Variants in ASPRV1 observed in about 807,000 individuals in gnomAD.
The protein encoded by ASPRV1 is aspartic peptidase retroviral like 1.
In ASPRV1, 7 loss-of-function variants were observed where a neutral mutation model predicts 11.0. The ratio of observed to expected loss-of-function variants is 0.64; its 90% CI spans 0.36 to 1.20. The LOEUF (loss-of-function observed/expected upper bound fraction) is 1.20. Among genes scored for constraint, ASPRV1 ranks in the 50% most tolerant of loss-of-function variants. ASPRV1 has a pLI of 0.02. For synonymous variants in ASPRV1, 136 were observed against 138.4 expected (o/e 0.98, Z 0.12); for missense variants, 299 against 320.0 (o/e 0.93, Z 0.50).
chr2:69,992,652 T>C, the ASPRV1 span, among the ~76,000 whole-genome samples: 3 of 152,230 alleles, frequency 2.0e-5, no homozygotes, highest in Non-Finnish European at 4.4e-5. Context: ...GACCACCATT[T>C]TGATCAAGCC....
chr2:70,083,057 G>C, the ASPRV1 span, among the ~76,000 whole-genome samples: 4 of 152,118 alleles, frequency 2.6e-5, no homozygotes, highest in African/African-American at 4.8e-5. Context: ...GTAAACATCA[G>C]GGAAAAGAGG....
chr2:70,084,743 A>G, the ASPRV1 span, among the ~76,000 whole-genome samples: 5 of 152,330 alleles, frequency 3.3e-5, no homozygotes, highest in East Asian at 9.6e-4. Context: ...ATCATAATGT[A>G]AAATTTGTTT....
chr2:69,946,804 A>G, the ASPRV1 span, among the ~76,000 whole-genome samples: 1 of 151,818 alleles, frequency 6.6e-6, no homozygotes. Context: ...GGGCATTGAC[A>G]GTGGAGGGGT....
chr2:70,069,210 A>T, the ASPRV1 span: 1 of 152,140 alleles, frequency 6.6e-6, no homozygotes, highest in Non-Finnish European at 1.5e-5. Context: ...CTGGGGGAAA[A>T]AAACAACCCA....
chr2:69,968,234 T>C, the ASPRV1 span, among the ~76,000 whole-genome samples: 1 of 151,578 alleles, frequency 6.6e-6, no homozygotes, highest in East Asian at 2.0e-4. Flanking sequence ...AAAAGGTGCT[T>C]TAAAAACTGG....
the ASPRV1 span, chr2:69,988,690 A>C: frequency 1.3e-5 from 6 of 444,814 alleles, no homozygotes; most frequent in Non-Finnish European, 2.7e-5. Context: ...TTTATGTTAT[A>C]TATATTTTAC....
At chr2:69,961,757 G>A (rs1174587974), upstream of ASPRV1, 8 of 1,481,376 alleles carry the variant, frequency 5.4e-6, no homozygotes, top group African/African-American at 1.4e-5. Context: ...CGGACTAGCA[G>A]GATGGGTGCC....
At chr2:70,054,432 T>A in the ASPRV1 span, among the ~76,000 whole-genome samples, 1 of 150,942 alleles carries the variant, frequency 6.6e-6, no homozygotes, top group East Asian at 2.0e-4. Context: ...ACAAAAAAAT[T>A]AGCCCGGCGC....
At chr2:70,029,024 A>G in the ASPRV1 span, among the ~76,000 whole-genome samples, 9 of 152,164 alleles carry the variant, frequency 5.9e-5, no homozygotes, top group African/African-American at 2.2e-4. Flanking sequence ...GAGGCCCTAA[A>G]GTTACTCAAT....
At chr2:69,965,362 A>G (rs750278880), upstream of ASPRV1, among the ~76,000 whole-genome samples, 2 of 152,112 alleles carry the variant, frequency 1.3e-5, no homozygotes, top group Admixed American at 6.5e-5. Flanking sequence ...CAGGGGTCCA[A>G]TTATTTGGCT....
chr2:69,966,097 G>T (rs1466593766), upstream of ASPRV1, among the ~76,000 whole-genome samples: 1 of 152,242 alleles, frequency 6.6e-6, no homozygotes, highest in Non-Finnish European at 1.5e-5. Flanking sequence ...GGAGGTGTTT[G>T]GGGAGCAGTG....
the ASPRV1 span, chr2:70,085,423 G>A: frequency 3.3e-5 from 5 of 152,132 alleles, no homozygotes; most frequent in African/African-American, 7.2e-5. Flanking sequence ...TACAAAAAGG[G>A]GCTGACTGCA....
the ASPRV1 span, among the ~76,000 whole-genome samples, chr2:70,064,280 G>A: frequency 6.6e-6 from 1 of 152,098 alleles, no homozygotes. Context: ...TAGACCTCAG[G>A]TGCTGCCCCC....
At chr2:70,043,813 A>G in the ASPRV1 span, among the ~76,000 whole-genome samples, 2 of 152,212 alleles carry the variant, frequency 1.3e-5, no homozygotes, top group Non-Finnish European at 2.9e-5. Flanking sequence ...TCCTGGTTAC[A>G]TTATAGCTGT....
the ASPRV1 span, among the ~76,000 whole-genome samples, chr2:69,996,214 CAAAAAAAAAAA>C: frequency 7.4e-5 from 4 of 53,892 alleles, no homozygotes; most frequent in East Asian, 6.3e-4. Flanking sequence ...CCCCATCTCT[CAAAAAAAAAAA>C]AAAAAAAAAA....
At chr2:70,035,719 T>C in the ASPRV1 span, among the ~76,000 whole-genome samples, 1 of 151,318 alleles carries the variant, frequency 6.6e-6, no homozygotes, top group Non-Finnish European at 1.5e-5. Flanking sequence ...CCCATAAGTA[T>C]GACTGCCAGT....
chr2:70,002,674 A>G, the ASPRV1 span, among the ~76,000 whole-genome samples: 1 of 152,354 alleles, frequency 6.6e-6, no homozygotes, highest in Non-Finnish European at 1.5e-5. Context: ...ATGAGCCCAT[A>G]GCATTTCTTC....
the ASPRV1 span, among the ~76,000 whole-genome samples, chr2:70,067,129 G>A: frequency 4.6e-5 from 7 of 152,046 alleles, no homozygotes; most frequent in Admixed American, 1.3e-4. Context: ...AAAAACTAAC[G>A]TACAGGGCAG....
chr2:69,993,873 C>G, the ASPRV1 span: 1 of 152,208 alleles, frequency 6.6e-6, no homozygotes, highest in Non-Finnish European at 1.5e-5. Context: ...CACCAGCCAC[C>G]CTTCCAGGCT....
Sources: gnomAD v4.1 joint callset for allele counts (sites outside exome capture counted in the v4.1 genomes callset) on GRCh38, gnomAD v4.1.1 for gene constraint, MANE v1.5 for transcripts, NCBI Gene and HGNC (gene_info 2026-07-23, HGNC 2026-07-21) for gene names.